Variants in HDGFL2 observed in about 807,000 individuals in gnomAD.
The protein encoded by HDGFL2 is hepatoma-derived growth factor-related protein 2.
A neutral mutation model predicts 77.1 loss-of-function variants in HDGFL2; 36 were observed. The ratio of observed to expected loss-of-function variants is 0.47; its 90% CI spans 0.36 to 0.62. The LOEUF (loss-of-function observed/expected upper bound fraction) is 0.62, where lower values mean the gene tolerates loss of function less well. HDGFL2 is among the 20% of genes least tolerant of loss of function. HDGFL2 has a pLI of 0.00. For missense variants in HDGFL2, 976 were observed against 973.4 expected (o/e 1.00, Z -0.04); for synonymous variants, 463 against 413.1 (o/e 1.12, Z -1.46).
At position 4,498,006 on chromosome 19, in the gene HDGFL2, G is replaced by A; in HGVS notation, c.1377G>A (p.Met459Ile). The change falls in exon 11 of 16, where the codon ATG becomes ATA. Residue 459 changes from methionine to isoleucine, a missense_variant. This residue lies in a region of HDGFL2 where 567 missense variants were observed against 534.7 expected (regional missense o/e 1.06). Transcript: ENST00000616600. ...RTRKRSEGFS[M>I]DRKVEKKKEP... ...GGAAGCGGTCCGAGGGCTTCTCGAT[G>A]GACAGGAAGGTAGAGAAGAAGAAAG... 6.4e-7 allele frequency: 1 copy of A among 1,556,472 alleles called. No homozygotes were observed. Among genetic ancestry groups the A allele is most frequent in the Admixed American group, 1.9e-5 (1 of 51,428 alleles).
chr19:4,492,889 A>AG (rs1975564421), intron 6 of HDGFL2, among the ~76,000 whole-genome samples: 3 of 64,310 alleles, frequency 4.7e-5, no homozygotes, highest in Middle Eastern at 0.015. Flanking sequence ...GGTGTGTGTT[A>AG]TCTGTGGTGT....
intron 10 of HDGFL2, 163 bp from the exon 11 acceptor site, chr19:4,497,795 T>C (rs1975745863): frequency 4.7e-6 from 3 of 631,850 alleles, no homozygotes; most frequent in Non-Finnish European, 8.3e-6. Context: ...GCCCTAGGCC[T>C]AGGCTGTGGC....
At position 4,496,327 on chromosome 19, in the gene HDGFL2, A is replaced by G; in HGVS notation, c.1250A>G (p.Gln417Arg). ...REAKKSAKKPQSSSTEPARKP... is the reference protein window; with the variant it reads ...REAKKSAKKPRSSSTEPARKP... The stretch of plus-strand genomic sequence containing the variant: ...GCCAAGAAATCAGCGAAGAAGCCGC[A>G]GTCCTCAAGCACAGAGCCCGCCAGG... Residue 417 changes from glutamine (Q) to arginine (R), a missense_variant, in exon 10 of 16, where the codon CAG (glutamine) becomes CGG (arginine). Physicochemically the swap from Gln to Arg is conservative, Grantham distance 43. This residue lies in a region of HDGFL2 where 567 missense variants were observed against 534.7 expected (regional missense o/e 1.06). Transcript: ENST00000616600. 1 of 1,614,144 alleles carries G rather than the reference A, an allele frequency of 6.2e-7. No individual in the cohort carries two copies.
intron 12 of HDGFL2, 112 bp downstream of exon 12, chr19:4,498,488 G>A (rs1428074995): frequency 3.5e-6 from 3 of 852,004 alleles, no homozygotes; most frequent in Non-Finnish European, 5.7e-6. Flanking sequence ...AGTTGGGTGG[G>A]CCAGGAGTCT....
At chr19:4,501,551 G>A in intron 15 of HDGFL2, 4 of 505,196 alleles carry the variant, frequency 7.9e-6, no homozygotes, top group Middle Eastern at 5.1e-4. Flanking sequence ...CTGGCCTCCT[G>A]GGAAGGTGGC....
chr19:4,480,514 T>C (rs914954335), intron 3 of HDGFL2, among the ~76,000 whole-genome samples: 1 of 151,904 alleles, frequency 6.6e-6, no homozygotes, highest in African/African-American at 2.4e-5. Flanking sequence ...AGGTCAGGAG[T>C]TTGAGATCAG....
At chr19:4,493,328 G>C (rs1204047957) in intron 6 of HDGFL2, among the ~76,000 whole-genome samples, 3 of 151,530 alleles carry the variant, frequency 2.0e-5, no homozygotes, top group Non-Finnish European at 4.4e-5. Flanking sequence ...TGTGTGTGGC[G>C]TGTGTGTTTG....
chr19:4,476,812 G>T (rs1038989159), intron 3 of HDGFL2, among the ~76,000 whole-genome samples: 1 of 151,972 alleles, frequency 6.6e-6, no homozygotes, highest in Non-Finnish European at 1.5e-5. Flanking sequence ...GTATTCTGGG[G>T]TGAGGTGGGG....
intron 9 of HDGFL2, among the ~76,000 whole-genome samples, chr19:4,495,097 C>T (rs1975665590): frequency 6.6e-6 from 1 of 151,820 alleles, no homozygotes; most frequent in African/African-American, 2.4e-5. Context: ...AAGTAAAAGG[C>T]TCCGAATGGG....
chr19:4,494,485 G>A lies in HDGFL2; in HGVS notation c.1224+10G>A. 7.3e-7 allele frequency: 1 copy of A among 1,374,202 alleles called. No individual in the cohort carries two copies. Among genetic ancestry groups the A allele is most frequent in the South Asian group, 1.8e-5 (1 of 57,084 alleles). 85.1% of individuals were successfully genotyped at this position (1,374,202 alleles called of 1,614,324 possible). A position where few individuals can be genotyped will look rare whatever the true frequency, so the allele number is the denominator to read the frequency against. On this transcript the variant is annotated intron_variant, in intron 9 of 15. Transcript: ENST00000616600. ...CGAGCTGGAGAGAGAGGTGAGCCGG[G>A]AGGGCGCCGGGAGTCCCTGCCTTCA...
chr19:4,498,960 G>A (rs1975781822), intron 13 of HDGFL2, 45 bp downstream of exon 13: 3 of 1,392,902 alleles, frequency 2.2e-6, no homozygotes, highest in South Asian at 1.2e-5. Context: ...CGGGGGAGCT[G>A]GGAGCAAGTG....
intron 3 of HDGFL2, among the ~76,000 whole-genome samples, chr19:4,482,565 TG>T (rs1194102223): frequency 6.6e-6 from 1 of 152,224 alleles, no homozygotes; most frequent in African/African-American, 2.4e-5. Context: ...CTTGAATTCC[TG>T]GGCTCAAGTG....
chr19:4,487,299 C>T (rs1224859688), intron 3 of HDGFL2, among the ~76,000 whole-genome samples: 2 of 151,762 alleles, frequency 1.3e-5, no homozygotes, highest in Admixed American at 6.6e-5. Flanking sequence ...CTCTATCACT[C>T]AGTCTGGAGT....
chr19:4,475,441 C>T lies in HDGFL2; in HGVS notation c.150-4C>T, dbSNP rs372035896. On this transcript the variant is annotated splice_region_variant and splice_polypyrimidine_tract_variant and intron_variant, in intron 2 of 15. Coordinates refer to ENST00000616600, the MANE Select transcript of HDGFL2 (RefSeq NM_001001520.3). ...TGGGACTGGCCCCCGTTTCCCTTCTCCAGAGCCTTCCTGGGACCCAAGGAC... is the reference window on the plus strand; with the variant it reads ...TGGGACTGGCCCCCGTTTCCCTTCTTCAGAGCCTTCCTGGGACCCAAGGAC... 1.2e-6 allele frequency: 2 copies of T among 1,613,700 alleles called. No individual in the cohort carries two copies. The highest frequency in any genetic ancestry group is 2.7e-5 in the African/African-American group (2 of 74,868).
chr19:4,497,155 GA>G (rs889305691), intron 10 of HDGFL2: 4 of 450,312 alleles, frequency 8.9e-6, no homozygotes, highest in African/African-American at 8.1e-5. Context: ...TTACAAGTGT[GA>G]GCCACCGTGC....
rs1230539374 is a variant in HDGFL2 at position 4,497,036 on chromosome 19, G to A, written c.1328+631G>A. ...ATTACAGGCACCCGCCACCACGCCTGGCTAATTTTTGTTGCTTTAGTAGAC... is the reference window on the plus strand; with the variant it reads ...ATTACAGGCACCCGCCACCACGCCTAGCTAATTTTTGTTGCTTTAGTAGAC... On this transcript the variant is annotated intron_variant, in intron 10 of 15. Coordinates refer to ENST00000616600, the MANE Select transcript of HDGFL2 (RefSeq NM_001001520.3). 1.0e-5 allele frequency: 4 copies of A among 396,722 alleles called. No homozygotes were observed. In the East Asian group the frequency reaches 3.0e-4, roughly 29 times the overall value. 24.6% of individuals were successfully genotyped at this position (396,722 alleles called of 1,614,324 possible). A position where few individuals can be genotyped will look rare whatever the true frequency, so the allele number is the denominator to read the frequency against.
At chr19:4,494,849 G>A (rs1185786684) in intron 9 of HDGFL2, among the ~76,000 whole-genome samples, 1 of 152,132 alleles carries the variant, frequency 6.6e-6, no homozygotes, top group African/African-American at 2.4e-5. Context: ...GAGCCCAGGA[G>A]TTGGAGGCTG....
At chr19:4,481,167 G>A (rs1253542998) in intron 3 of HDGFL2, among the ~76,000 whole-genome samples, 3 of 144,810 alleles carry the variant, frequency 2.1e-5, no homozygotes, top group Non-Finnish European at 3.0e-5. Context: ...GACTACAGGC[G>A]TCCCCCACCA....
intron 6 of HDGFL2, 93 bp downstream of exon 6, chr19:4,491,928 G>C: frequency 8.6e-7 from 1 of 1,161,632 alleles, no homozygotes; most frequent in Admixed American, 1.8e-5. Context: ...GCCATTTCTG[G>C]AGGGGGTGGG....
Sources: gnomAD v4.1 joint callset for allele counts (sites outside exome capture counted in the v4.1 genomes callset) on GRCh38, gnomAD v4.1.1 for gene constraint, gnomAD v4.1.1 regional missense constraint, MANE v1.5 for transcripts, NCBI Gene and HGNC (gene_info 2026-07-23, HGNC 2026-07-21) for gene names.